The following DNAJB14 variants were observed in gnomAD, a reference collection of about 807,000 sequenced individuals.
DNAJB14 encodes DnaJ heat shock protein family (Hsp40) member B14.
In DNAJB14, 22 loss-of-function variants were observed where a neutral mutation model predicts 48.4. That is an observed-to-expected ratio of 0.45 (90% confidence interval 0.32 to 0.65). The LOEUF is 0.65. Ranked by LOEUF, DNAJB14 falls within the 30% of genes least tolerant of loss-of-function variation. The probability of loss-of-function intolerance (pLI) is 0.03; values close to 1 mark genes in which losing one functional copy is unlikely to be tolerated. For missense variants in DNAJB14, 319 were observed against 458.8 expected, an observed-to-expected ratio of 0.70 and a Z score of 2.78; for synonymous variants, 142 against 158.7, an observed-to-expected ratio of 0.89 and a Z score of 0.79.
chr4:99,943,124 T>C (rs1285532532), intron 1 of DNAJB14, among the ~76,000 whole-genome samples: 1 of 152,174 alleles, frequency 6.6e-6, no homozygotes, highest in Non-Finnish European at 1.5e-5. Flanking sequence ...ATAACTTTAT[T>C]TCAGCTCACA....
In DNAJB14 at chr4:99,896,946, C is replaced by G. The variant is rs1276837408; in HGVS notation, c.*4082G>C. 1 of 151,982 alleles carries G rather than the reference C, an allele frequency of 6.6e-6. No individual in the cohort carries two copies. The highest frequency in any genetic ancestry group is 2.4e-5 in the African/African-American group (1 of 41,388). 9.4% of individuals were successfully genotyped at this position (151,982 alleles called of 1,614,324 possible). ...GACATTTCAAGAAATACTTCTTACCCCTATGTATTTCCAGATGGCTGGATA... is the reference window on the plus strand; with the variant it reads ...GACATTTCAAGAAATACTTCTTACCGCTATGTATTTCCAGATGGCTGGATA... On this transcript the variant is annotated 3_prime_UTR_variant, in exon 8 of 8. Coordinates refer to ENST00000442697, the MANE Select transcript of DNAJB14 (RefSeq NM_001031723.4).
chr4:99,906,708 A>G, intron 4 of DNAJB14, 97 bp from the exon 5 acceptor site: 2 of 955,582 alleles, frequency 2.1e-6, no homozygotes, highest in South Asian at 1.6e-5. Flanking sequence ...AAAAATTACT[A>G]AAATAATGCA....
In DNAJB14 at chr4:99,934,789, C is replaced by CAAAAAAAAAAAAAAA. The variant is rs1167945149; in HGVS notation, c.134-4183_134-4169dup. Among the ~76,000 whole-genome samples the CAAAAAAAAAAAAAAA allele has an allele frequency of 4.4e-4, 3 of 6,776 alleles. 1 individual carries two copies. The highest frequency in any genetic ancestry group is 7.3e-4 in the Non-Finnish European group (3 of 4,104). The allele number at this position is 6,776 out of a possible 152,430, so 4.4% of individuals were successfully genotyped here. ...CCTGGGTGACAGAGCAAGACTGTCT[C>CAAAAAAAAAAAAAAA]AAAAAAAAAAAAAAAAAAAAAAAAA... is the stretch of plus-strand genomic sequence containing the variant. On this transcript the variant is annotated intron_variant, in intron 1 of 7. Coordinates refer to ENST00000442697, the MANE Select transcript of DNAJB14 (RefSeq NM_001031723.4).
intron 1 of DNAJB14, among the ~76,000 whole-genome samples, chr4:99,945,735 C>T (rs966388370): frequency 1.4e-4 from 22 of 152,234 alleles, no homozygotes; most frequent in Admixed American, 7.2e-4. Flanking sequence ...GCTATTATTA[C>T]TCCGAAGCCT....
At chr4:99,920,038 T>A (rs1725997388) in intron 3 of DNAJB14, among the ~76,000 whole-genome samples, 1 of 152,214 alleles carries the variant, frequency 6.6e-6, no homozygotes, top group South Asian at 2.1e-4. Context: ...ATATAGTTGG[T>A]CTTCTGTGAG....
chr4:99,903,257 GTCTC>G (rs989394894), intron 7 of DNAJB14, among the ~76,000 whole-genome samples: 3 of 152,070 alleles, frequency 2.0e-5, no homozygotes, highest in Non-Finnish European at 4.4e-5. Flanking sequence ...GTTCTGAAGA[GTCTC>G]TCTGTGTACA....
At chr4:99,931,679 C>T (rs535249579) in intron 1 of DNAJB14, among the ~76,000 whole-genome samples, 4 of 151,704 alleles carry the variant, frequency 2.6e-5, no homozygotes, top group Non-Finnish European at 5.9e-5. Context: ...CTCACAGGCC[C>T]ACATTATCGC....
At chr4:99,943,506 T>C (rs1726952701) in intron 1 of DNAJB14, among the ~76,000 whole-genome samples, 1 of 152,166 alleles carries the variant, frequency 6.6e-6, no homozygotes, top group Non-Finnish European at 1.5e-5. Flanking sequence ...ACTTGTAAAA[T>C]GGGGATGACA....
At chr4:99,945,302 TAG>T (rs1355737958) in intron 1 of DNAJB14, among the ~76,000 whole-genome samples, 3 of 152,078 alleles carry the variant, frequency 2.0e-5, no homozygotes, top group African/African-American at 7.2e-5. Context: ...ATGGAAAGGA[TAG>T]AGAGAAAAGC....
At chr4:99,905,782 T>C (rs547291641) in intron 5 of DNAJB14, 76 bp from the exon 6 acceptor site, 1 of 1,488,112 alleles carries the variant, frequency 6.7e-7, no homozygotes, top group South Asian at 1.2e-5. Flanking sequence ...GTCATACATT[T>C]TGAGGCAGAA....
At chr4:99,924,545 A>G (rs72684380) in intron 2 of DNAJB14, 54 of 494,890 alleles carry the variant, frequency 1.1e-4, no homozygotes, top group Non-Finnish European at 1.5e-4. Context: ...ATTAACATAC[A>G]TCAATTTTAT....
intron 1 of DNAJB14, among the ~76,000 whole-genome samples, chr4:99,933,257 G>A (rs1726545866): frequency 1.3e-5 from 2 of 150,226 alleles, no homozygotes; most frequent in Non-Finnish European, 3.0e-5. Flanking sequence ...CACTCAACTA[G>A]GTACCAATCT....
At chr4:99,945,968 G>T (rs1255039005) in intron 1 of DNAJB14, among the ~76,000 whole-genome samples, 1 of 152,180 alleles carries the variant, frequency 6.6e-6, no homozygotes, top group Non-Finnish European at 1.5e-5. Context: ...GTTTGCTTTG[G>T]GAACAGTTTT....
chr4:99,917,313 A>G (rs908755543), intron 3 of DNAJB14, among the ~76,000 whole-genome samples: 1 of 152,206 alleles, frequency 6.6e-6, no homozygotes, highest in Non-Finnish European at 1.5e-5. Flanking sequence ...TCAGACTACT[A>G]TAACAAAATA....
At chr4:99,912,781 C>T (rs1211332219) in intron 3 of DNAJB14, among the ~76,000 whole-genome samples, 1 of 152,106 alleles carries the variant, frequency 6.6e-6, no homozygotes, top group Non-Finnish European at 1.5e-5. Context: ...GCCCAGCCGA[C>T]TTGACATCTT....
intron 1 of DNAJB14, among the ~76,000 whole-genome samples, chr4:99,937,096 CAGG>C (rs1283298066): frequency 4.6e-5 from 7 of 152,108 alleles, no homozygotes; most frequent in Non-Finnish European, 1.0e-4. Flanking sequence ...GCGGGCGGAT[CAGG>C]AGGTCAGGAG....
At chr4:99,928,774 T>C (rs1275568602) in intron 2 of DNAJB14, 1 of 156,972 alleles carries the variant, frequency 6.4e-6, no homozygotes, top group Non-Finnish European at 1.4e-5. Flanking sequence ...TACATTTAAC[T>C]TTCTTTGAAT....
intron 1 of DNAJB14, among the ~76,000 whole-genome samples, chr4:99,931,431 TTTTG>T (rs1726462999): frequency 1.3e-5 from 2 of 152,142 alleles, no homozygotes; most frequent in Non-Finnish European, 2.9e-5. Context: ...TTTTTTCTCC[TTTTG>T]TGTGTGCTTA....
At chr4:99,945,278 T>TAG (rs1270788714) in intron 1 of DNAJB14, among the ~76,000 whole-genome samples, 1 of 152,156 alleles carries the variant, frequency 6.6e-6, no homozygotes, top group Non-Finnish European at 1.5e-5. Context: ...GGTATAGTGT[T>TAG]AGAAGGCAAT....
Sources: allele counts gnomAD v4.1 joint callset (sites outside exome capture counted in the v4.1 genomes callset), GRCh38; gene constraint gnomAD v4.1.1; transcripts MANE v1.5; gene names NCBI Gene and HGNC (gene_info 2026-07-23, HGNC 2026-07-21).